The following LRRC4C variants were observed in gnomAD, a reference collection of about 807,000 sequenced individuals.
The protein encoded by LRRC4C is leucine-rich repeat-containing protein 4C.
LRRC4C carries 5 observed loss-of-function variants against 33.6 expected under a neutral mutation model. The observed-to-expected ratio is 0.15, with a 90% CI of 0.08 to 0.31. The LOEUF (loss-of-function observed/expected upper bound fraction) is 0.31, where lower values mean the gene tolerates loss of function less well. Among genes scored for constraint, LRRC4C ranks in the 10% least tolerant of loss-of-function variants. LRRC4C has a pLI of 1.00. For synonymous variants in LRRC4C, 329 were observed against 302.0 expected, an observed-to-expected ratio of 1.09 and a Z score of -0.93; for missense variants, 560 against 796.7, an observed-to-expected ratio of 0.70 and a Z score of 3.58.
chr11:41,229,658 T>A (rs958356061), intron 1 of LRRC4C, among the ~76,000 whole-genome samples: 8 of 152,220 alleles, frequency 5.3e-5, no homozygotes, highest in African/African-American at 1.9e-4. Flanking sequence ...TGGCTGGTGG[T>A]CAGAATTTTT....
intron 1 of LRRC4C, among the ~76,000 whole-genome samples, chr11:41,183,618 C>A (rs1012763447): frequency 6.6e-6 from 1 of 152,180 alleles, no homozygotes; most frequent in African/African-American, 2.4e-5. Context: ...TGGCTGCTTT[C>A]ACAAGCTGGT....
chr11:40,459,103 G>A (rs563045765), intron 3 of LRRC4C, among the ~76,000 whole-genome samples: 1 of 152,104 alleles, frequency 6.6e-6, no homozygotes, highest in South Asian at 2.1e-4. Flanking sequence ...TCTAGACCTG[G>A]GAAAACCAGC....
chr11:41,393,721 T>C (rs1457911985), intron 1 of LRRC4C, among the ~76,000 whole-genome samples: 2 of 151,978 alleles, frequency 1.3e-5, no homozygotes, highest in Non-Finnish European at 2.9e-5. Context: ...TGCCAAAATC[T>C]GTGCAAATGA....
At chr11:40,160,744 G>A (rs1171840657) in intron 5 of LRRC4C, among the ~76,000 whole-genome samples, 23 of 152,154 alleles carry the variant, frequency 1.5e-4, no homozygotes. Context: ...CAGATCCAAA[G>A]ATTATGTTGT....
At chr11:40,888,713 T>A (rs1302938396) in intron 2 of LRRC4C, among the ~76,000 whole-genome samples, 1 of 151,992 alleles carries the variant, frequency 6.6e-6, no homozygotes, top group Non-Finnish European at 1.5e-5. Context: ...AATTTCAAAC[T>A]TTTAGAGCAT....
chr11:41,304,111 G>A (rs1277082309), intron 1 of LRRC4C, among the ~76,000 whole-genome samples: 1 of 76,056 alleles, frequency 1.3e-5, no homozygotes, highest in Non-Finnish European at 3.2e-5. Context: ...CTGCCCGGCC[G>A]CCCCTACTGG....
At chr11:41,038,479 C>T (rs1471702585) in intron 1 of LRRC4C, among the ~76,000 whole-genome samples, 1 of 152,172 alleles carries the variant, frequency 6.6e-6, no homozygotes, top group Non-Finnish European at 1.5e-5. Context: ...CTTGTTCTCA[C>T]TTTATTTGCT....
chr11:40,854,559 T>C (rs775588465), intron 2 of LRRC4C, among the ~76,000 whole-genome samples: 1 of 152,160 alleles, frequency 6.6e-6, no homozygotes, highest in Non-Finnish European at 1.5e-5. Context: ...GTGGACTTTT[T>C]TCATTTTTAG....
chr11:41,170,481 C>A (rs758200020), intron 1 of LRRC4C, among the ~76,000 whole-genome samples: 66 of 152,080 alleles, frequency 4.3e-4, no homozygotes, highest in Non-Finnish European at 7.9e-4. Context: ...CTTTGACAAG[C>A]CTGACAAAAA....
chr11:40,449,963 G>A (rs2861921), intron 3 of LRRC4C, among the ~76,000 whole-genome samples: 54,593 of 151,938 alleles, frequency 0.36, 10,337 homozygotes, highest in East Asian at 0.53. Flanking sequence ...TGGCAATTAC[G>A]TTGGGTGTTC....
At chr11:41,204,635 T>G (rs1047436071) in intron 1 of LRRC4C, among the ~76,000 whole-genome samples, 2 of 152,248 alleles carry the variant, frequency 1.3e-5, no homozygotes, top group African/African-American at 4.8e-5. Context: ...TTTTTCATTC[T>G]GTGCTTAATC....
chr11:41,070,304 C>G (rs534263502), intron 1 of LRRC4C, among the ~76,000 whole-genome samples: 1 of 152,234 alleles, frequency 6.6e-6, no homozygotes, highest in East Asian at 1.9e-4. Context: ...AACCCCAAAT[C>G]ATAAAAACCC....
At chr11:40,615,003 C>T (rs1961621701) in intron 3 of LRRC4C, among the ~76,000 whole-genome samples, 1 of 151,438 alleles carries the variant, frequency 6.6e-6, no homozygotes, top group African/African-American at 2.4e-5. Flanking sequence ...CACAGGAACA[C>T]AAAGTGAGCA....
chr11:41,431,656 C>T (rs548107594), intron 1 of LRRC4C, among the ~76,000 whole-genome samples: 5 of 151,430 alleles, frequency 3.3e-5, no homozygotes, highest in African/African-American at 4.8e-5. Context: ...TGTGTGTACA[C>T]GTACACACAC....
chr11:40,171,494 T>A (rs76854298), intron 5 of LRRC4C, among the ~76,000 whole-genome samples: 2,304 of 152,286 alleles, frequency 0.015, 18 homozygotes, highest in Middle Eastern at 0.034. Context: ...TGGTTTACAT[T>A]GTGTTTGGCA....
chr11:41,397,102 C>T (rs570186868), intron 1 of LRRC4C, among the ~76,000 whole-genome samples: 18 of 151,968 alleles, frequency 1.2e-4, no homozygotes, highest in Non-Finnish European at 2.1e-4. Flanking sequence ...TGCAAACCCA[C>T]GCTGTCTCAT....
intron 1 of LRRC4C, among the ~76,000 whole-genome samples, chr11:41,446,597 G>A (rs1185565675): frequency 3.3e-5 from 5 of 152,070 alleles, no homozygotes; most frequent in Admixed American, 3.3e-4. Context: ...TCCAATGGAG[G>A]AATATGGAAG....
intron 3 of LRRC4C, among the ~76,000 whole-genome samples, chr11:40,549,969 T>A (rs17408566): frequency 0.093 from 14,204 of 152,076 alleles, 793 homozygotes; most frequent in Middle Eastern, 0.15. Context: ...CTGACAAAAT[T>A]AAACAGAGAT....
chr11:40,757,757 A>G lies in LRRC4C; in HGVS notation c.-406-109479T>C, dbSNP rs190499457. The stretch of plus-strand genomic sequence containing the variant: ...GGTCAAGGGATGCTAAACATCTTGC[A>G]ATTTGCAGAGAAGTTCCAGACAAAG... On this transcript the variant is annotated intron_variant, in intron 2 of 6. Transcript: ENST00000528697. Among the ~76,000 whole-genome samples, 590 of 152,072 alleles carry G rather than the reference A, an allele frequency of 3.9e-3. 1 individual carries two copies. Among genetic ancestry groups the G allele is most frequent in the Middle Eastern group, 0.017 (5 of 294 alleles).
Sources: allele counts gnomAD v4.1 joint callset (sites outside exome capture counted in the v4.1 genomes callset), GRCh38; gene constraint gnomAD v4.1.1; transcripts MANE v1.5; gene names NCBI Gene and HGNC (gene_info 2026-07-23, HGNC 2026-07-21).